The following CCR6 variants were observed in gnomAD, a reference collection of about 807,000 sequenced individuals.
CCR6 encodes the protein C-C chemokine receptor type 6.
In CCR6, 2 loss-of-function variants were observed where a neutral mutation model predicts 3.0. That is an observed-to-expected ratio of 0.66 (90% CI 0.27 to 2.07). CCR6 has a LOEUF of 2.07. CCR6 is among the 30% of genes most tolerant of loss of function. CCR6 has a pLI of 0.14. For synonymous variants in CCR6, 193 were observed against 184.3 expected, an observed-to-expected ratio of 1.05 and a Z score of -0.38; for missense variants, 322 against 462.8, an observed-to-expected ratio of 0.70 and a Z score of 2.79.
chr6:167,129,831 CAAT>C (rs1396019908), intron 1 of CCR6, among the ~76,000 whole-genome samples: 1 of 151,558 alleles, frequency 6.6e-6, no homozygotes, highest in African/African-American at 2.4e-5. Context: ...TGGGGGGTGA[CAAT>C]GAGTTACTGA....
Position 167,137,190 on chromosome 6 carries a change from G to A in CCR6, c.960G>A (p.Gly320=). The A allele has an allele frequency of 6.2e-7, 1 of 1,614,194 alleles. No individual in the cohort carries two copies. Residue 320 remains glycine (G), a synonymous_variant, in exon 3 of 3, where the codon GGG becomes GGA. Coordinates refer to ENST00000341935, the MANE Select transcript of CCR6 (RefSeq NM_031409.4). The surrounding 1 kb of genome is among the most constrained non-coding windows in gnomAD (Gnocchi z 4.6). ...CLNPVLYAFI[G]QKFRNYFLKI... is the part of the protein sequence containing the mutation. The stretch of plus-strand genomic sequence containing the variant: ...ACCCTGTGCTCTACGCTTTTATTGG[G>A]CAGAAGTTCAGAAACTACTTTCTGA...
chr6:167,132,254 C>T (rs1285808181), intron 1 of CCR6, among the ~76,000 whole-genome samples: 3 of 152,110 alleles, frequency 2.0e-5, no homozygotes, highest in Non-Finnish European at 4.4e-5. Flanking sequence ...GGGTCTTTTT[C>T]AGTTTGGGAC....
chr6:167,116,025 G>A (rs1781487122), intron 1 of CCR6: 1 of 152,252 alleles, frequency 6.6e-6, no homozygotes, highest in African/African-American at 2.4e-5. Flanking sequence ...AAGATCCGCA[G>A]GCGTTATAAA....
chr6:167,136,716 G>A lies in CCR6; in HGVS notation c.486G>A (p.Pro162=), dbSNP rs147230888. 2.4e-5 allele frequency: 38 copies of A among 1,614,024 alleles called. No individual in the cohort carries two copies. In the South Asian group the frequency reaches 3.2e-4, roughly 14 times the overall value. ...TCCGGCTCCGATCCAGAACACTACCGCGCAGCAAAATCATCTGCCTTGTTG... is the reference window on the plus strand; with the variant it reads ...TCCGGCTCCGATCCAGAACACTACCACGCAGCAAAATCATCTGCCTTGTTG... ...KSFRLRSRTL[P]RSKIICLVVW... The change falls in exon 3 of 3, where the codon CCG becomes CCA. Residue 162 remains proline, a synonymous_variant. Transcript: ENST00000341935. This position sits in a 1 kb window ranked among gnomAD's most constrained non-coding sequence, Gnocchi z 4.6.
upstream of CCR6, among the ~76,000 whole-genome samples, chr6:167,118,071 T>A (rs1386186683): frequency 6.6e-6 from 1 of 151,476 alleles, no homozygotes; most frequent in Non-Finnish European, 1.5e-5. Flanking sequence ...GAGCCCAACA[T>A]CCCAGCAGTT....
At chr6:167,117,527 C>G (rs556701668) in intron 1 of CCR6, among the ~76,000 whole-genome samples, 1 of 150,392 alleles carries the variant, frequency 6.6e-6, no homozygotes, top group Admixed American at 6.7e-5. Context: ...CGCCATTCTC[C>G]TGCCTCAGCC....
intron 1 of CCR6, among the ~76,000 whole-genome samples, chr6:167,131,005 ACCC>A (rs1781754073): frequency 4.2e-5 from 2 of 47,988 alleles, no homozygotes; most frequent in East Asian, 6.4e-4. Flanking sequence ...TCCCTTTGGG[ACCC>A]CTCCTTCTGG....
chr6:167,136,712 T>C lies in CCR6; in HGVS notation c.482T>C (p.Leu161Pro). 6.2e-7 allele frequency: 1 copy of C among 1,614,104 alleles called. No individual in the cohort carries two copies. Among genetic ancestry groups the C allele is most frequent in the Non-Finnish European group, 8.5e-7 (1 of 1,180,028 alleles). Residue 161 changes from leucine to proline, a missense_variant, in exon 3 of 3, where the codon CTA becomes CCA. Physicochemically the swap from Leu to Pro is moderately conservative, Grantham distance 98 (BLOSUM62 -3). Coordinates refer to ENST00000341935, the MANE Select transcript of CCR6 (RefSeq NM_031409.4). This position sits in a 1 kb window ranked among gnomAD's most constrained non-coding sequence, Gnocchi z 4.6. ...TCATTCCGGCTCCGATCCAGAACAC[T>C]ACCGCGCAGCAAAATCATCTGCCTT... ...TKSFRLRSRTLPRSKIICLVV... is the reference protein window; with the variant it reads ...TKSFRLRSRTPPRSKIICLVV...
intron 1 of CCR6, among the ~76,000 whole-genome samples, chr6:167,127,694 G>A (rs1197874022): frequency 1.3e-5 from 2 of 152,210 alleles, no homozygotes; most frequent in Non-Finnish European, 2.9e-5. Flanking sequence ...GCAGAGAGAT[G>A]CATCCCATGT....
At chr6:167,134,643 A>G (rs1286620750) in intron 1 of CCR6, among the ~76,000 whole-genome samples, 1 of 146,932 alleles carries the variant, frequency 6.8e-6, no homozygotes, top group Admixed American at 6.8e-5. Context: ...CTGATATGAC[A>G]CAGTGTGGGG....
At chr6:167,123,260 A>G (rs1781616108) in intron 1 of CCR6, 37 bp downstream of exon 1, 1 of 152,786 alleles carries the variant, frequency 6.5e-6, no homozygotes, top group Admixed American at 6.5e-5. Flanking sequence ...TTTCTTTCAA[A>G]AATGTAACTT....
chr6:167,137,393 A>G lies in CCR6; in HGVS notation c.*38A>G. Reference sequence around the variant, plus strand: ...TCTCCCTAAGGCATGTGTGAAACATACTCATAGATGTTATGCAAAAAAAAG... The same window carrying G: ...TCTCCCTAAGGCATGTGTGAAACATGCTCATAGATGTTATGCAAAAAAAAG... On this transcript the variant is annotated 3_prime_UTR_variant, in exon 3 of 3. Coordinates refer to ENST00000341935, the MANE Select transcript of CCR6 (RefSeq NM_031409.4). The surrounding 1 kb of genome is among the most constrained non-coding windows in gnomAD (Gnocchi z 4.6). The G allele has an allele frequency of 6.4e-7, 1 of 1,556,000 alleles. No individual in the cohort carries two copies. Among genetic ancestry groups the G allele is most frequent in the Non-Finnish European group, 8.7e-7 (1 of 1,154,718 alleles).
At chr6:167,135,968 A>G in intron 1 of CCR6, 70 bp from the exon 2 acceptor site, 1 of 699,768 alleles carries the variant, frequency 1.4e-6, no homozygotes. Context: ...GAATGCTGGT[A>G]ACTTAACTGT....
Position 167,136,195 on chromosome 6 carries a change from T to C in CCR6, c.10-45T>C, listed in dbSNP as rs745938330. 53 of 1,612,056 alleles carry C rather than the reference T, an allele frequency of 3.3e-5. No homozygotes were observed. The highest frequency in any genetic ancestry group is 3.3e-4 in the Middle Eastern group (2 of 6,082). On this transcript the variant is annotated intron_variant, in intron 2 of 2. Transcript: ENST00000341935. The surrounding 1 kb of genome is among the most constrained non-coding windows in gnomAD (Gnocchi z 4.6). Reference sequence around the variant, plus strand: ...TATAATTTGGGTTCACTGTGGCTACTTGAACACTACACTGCAGCTAACTCT... The same window carrying C: ...TATAATTTGGGTTCACTGTGGCTACCTGAACACTACACTGCAGCTAACTCT...
intron 1 of CCR6, among the ~76,000 whole-genome samples, chr6:167,114,544 G>A (rs6456158): frequency 5.3e-5 from 8 of 151,930 alleles, no homozygotes; most frequent in African/African-American, 1.2e-4. Flanking sequence ...TTCATATTTC[G>A]GAGGGGTTAC....
rs1207007536 is a variant in CCR6, at chr6:167,137,411, A to G, written c.*56A>G. On this transcript the variant is annotated 3_prime_UTR_variant, in exon 3 of 3. Transcript: ENST00000341935. The surrounding 1 kb of genome is among the most constrained non-coding windows in gnomAD (Gnocchi z 4.6). ...GAAACATACTCATAGATGTTATGCA[A>G]AAAAAAGTCTATGGCCAGGTATGCA... 1 of 1,510,826 alleles carries G rather than the reference A, an allele frequency of 6.6e-7. No individual in the cohort carries two copies. The highest frequency in any genetic ancestry group is 8.9e-7 in the Non-Finnish European group (1 of 1,126,170). 93.6% of individuals were successfully genotyped at this position (1,510,826 alleles called of 1,614,324 possible).
At position 167,137,948 on chromosome 6, in the gene CCR6, C is replaced by T. The variant is rs1243293209; in HGVS notation, c.*593C>T. On this transcript the variant is annotated 3_prime_UTR_variant, in exon 3 of 3. Coordinates refer to ENST00000341935, the MANE Select transcript of CCR6 (RefSeq NM_031409.4). This position sits in a 1 kb window ranked among gnomAD's most constrained non-coding sequence, Gnocchi z 4.6. ...GAAAGACAAGCTCAAGTGTTCACAA[C>T]CTGGAAGTGCTTCGGGAAGAAGGGG... 6.5e-6 allele frequency: 1 copy of T among 153,266 alleles called. No homozygotes were observed. Among genetic ancestry groups the T allele is most frequent in the African/African-American group, 2.4e-5 (1 of 41,426 alleles). The allele number at this position is 153,266 out of a possible 1,614,324, so 9.5% of individuals were successfully genotyped here. A position where few individuals can be genotyped will look rare whatever the true frequency, so the allele number is the denominator to read the frequency against.
chr6:167,137,395 T>C lies in CCR6; in HGVS notation c.*40T>C. 6.5e-7 allele frequency: 1 copy of C among 1,540,616 alleles called. No individual in the cohort carries two copies. Among genetic ancestry groups the C allele is most frequent in the Non-Finnish European group, 8.7e-7 (1 of 1,146,978 alleles). On this transcript the variant is annotated 3_prime_UTR_variant, in exon 3 of 3. Coordinates refer to ENST00000341935, the MANE Select transcript of CCR6 (RefSeq NM_031409.4). The surrounding 1 kb of genome is among the most constrained non-coding windows in gnomAD (Gnocchi z 4.6). ...TCCCTAAGGCATGTGTGAAACATAC[T>C]CATAGATGTTATGCAAAAAAAAGTC...
At chr6:167,113,908 T>C (rs1781451935) in intron 1 of CCR6, among the ~76,000 whole-genome samples, 1 of 151,900 alleles carries the variant, frequency 6.6e-6, no homozygotes, top group South Asian at 2.1e-4. Flanking sequence ...AATGAGAAGA[T>C]GGATAGATGA....
Sources: gnomAD v4.1 joint callset for allele counts (sites outside exome capture counted in the v4.1 genomes callset) on GRCh38, gnomAD v4.1.1 for gene constraint, Gnocchi (gnomAD v3.1) non-coding constraint, MANE v1.5 for transcripts, NCBI Gene and HGNC (gene_info 2026-07-23, HGNC 2026-07-21) for gene names.